The following PIGN variants were observed in gnomAD, a reference collection of about 807,000 sequenced individuals.
The protein encoded by PIGN is phosphatidylinositol glycan anchor biosynthesis class N, also known as GPI ethanolamine phosphate transferase 1.
Under a neutral mutation model 125.4 loss-of-function variants are expected in PIGN, and 117 were observed. That is an observed-to-expected ratio of 0.93 (90% confidence interval 0.80 to 1.09). PIGN has a LOEUF of 1.09. Ranked by LOEUF, PIGN falls within the 50% of genes least tolerant of loss-of-function variation. PIGN has a pLI of 0.00. For missense variants in PIGN, 1,075 were observed against 1,094.9 expected (o/e 0.98, Z 0.26); for synonymous variants, 392 against 377.8 (o/e 1.04, Z -0.44).
intron 23 of PIGN, among the ~76,000 whole-genome samples, chr18:62,092,103 A>G (rs1025405605): frequency 1.3e-5 from 2 of 152,180 alleles, no homozygotes; most frequent in Non-Finnish European, 2.9e-5. Flanking sequence ...GGTTTCAGAA[A>G]GCATACACAA....
chr18:62,064,657 A>C (rs908511208), intron 30 of PIGN, among the ~76,000 whole-genome samples: 1 of 152,238 alleles, frequency 6.6e-6, no homozygotes, highest in Non-Finnish European at 1.5e-5. Flanking sequence ...AGATAACATA[A>C]GTACAATTCC....
intron 17 of PIGN, among the ~76,000 whole-genome samples, chr18:62,108,588 T>G (rs1190977382): frequency 7.4e-6 from 1 of 135,326 alleles, no homozygotes; most frequent in Non-Finnish European, 1.7e-5. Context: ...TTTTGATATT[T>G]TTAAGTTAAT....
At chr18:62,050,866 A>C (rs2145127925) in intron 30 of PIGN, among the ~76,000 whole-genome samples, 1 of 151,104 alleles carries the variant, frequency 6.6e-6, no homozygotes, top group East Asian at 1.9e-4. Context: ...TTATTTTGAG[A>C]TACGTCCCAT....
rs1415544461 is a variant in PIGN, at chr18:62,044,679, GAGGGTTTCC to G, written c.*1168_*1176del. On this transcript the variant is annotated 3_prime_UTR_variant, in exon 31 of 31. Transcript: ENST00000640252. ...AATTTGAAAAATCTTGTAAATTACA[GAGGGTTTCC>G]TAGTCATTAACATGAATTAGTAATG... is the stretch of plus-strand genomic sequence containing the variant. The G allele has an allele frequency of 6.6e-6, 1 of 152,128 alleles. No homozygotes were observed. The highest frequency in any genetic ancestry group is 1.5e-5 in the Non-Finnish European group (1 of 68,030). The allele number at this position is 152,128 out of a possible 1,614,324, so 9.4% of individuals were successfully genotyped here.
intron 23 of PIGN, among the ~76,000 whole-genome samples, chr18:62,091,814 G>A (rs1192670860): frequency 2.0e-5 from 3 of 152,090 alleles, no homozygotes; most frequent in African/African-American, 7.2e-5. Context: ...ACCTGTAAGC[G>A]TCTATTATTA....
intron 16 of PIGN, among the ~76,000 whole-genome samples, chr18:62,110,994 T>C (rs1318061594): frequency 6.6e-6 from 1 of 151,386 alleles, no homozygotes; most frequent in Non-Finnish European, 1.5e-5. Flanking sequence ...AAGCCTTTGA[T>C]TACTTCGGCC....
chr18:62,061,643 G>C (rs2032148416), intron 30 of PIGN, among the ~76,000 whole-genome samples: 2 of 151,934 alleles, frequency 1.3e-5, no homozygotes, highest in Non-Finnish European at 2.9e-5. Context: ...AGGAGTTTAG[G>C]AATAAAATTC....
chr18:62,070,152 C>CG, intron 30 of PIGN: 2 of 359,442 alleles, frequency 5.6e-6, no homozygotes, highest in African/African-American at 2.1e-5. Context: ...ACAAGAGAAA[C>CG]GGGGGGCTTA....
chr18:62,184,683 C>A (rs1001948919), intron 1 of PIGN: 2 of 152,178 alleles, frequency 1.3e-5, no homozygotes, highest in Non-Finnish European at 2.9e-5. Context: ...CATTTTAAAT[C>A]TATTTTCAAC....
intron 15 of PIGN, among the ~76,000 whole-genome samples, chr18:62,114,358 T>C: frequency 8.6e-6 from 1 of 116,176 alleles, no homozygotes; most frequent in Non-Finnish European, 2.1e-5. Context: ...ACACTCTGTC[T>C]CAAAAAAAAA....
chr18:62,097,611 A>G (rs976236244), intron 22 of PIGN, among the ~76,000 whole-genome samples: 5 of 152,180 alleles, frequency 3.3e-5, no homozygotes, highest in African/African-American at 9.7e-5. Context: ...TAATGAAATA[A>G]AAGTATTACT....
At chr18:62,103,232 T>C (rs542416618) in intron 20 of PIGN, among the ~76,000 whole-genome samples, 35 of 152,302 alleles carry the variant, frequency 2.3e-4, no homozygotes, top group South Asian at 1.4e-3. Context: ...TTAGCCTGAA[T>C]TGGGCAAATT....
chr18:62,063,528 A>G (rs2032324370), intron 30 of PIGN, among the ~76,000 whole-genome samples: 1 of 151,182 alleles, frequency 6.6e-6, no homozygotes. Context: ...TATTTATCAC[A>G]TATCATGCAC....
chr18:62,035,531 C>A (rs2030247580), intron 23 of PIGN, among the ~76,000 whole-genome samples: 1 of 151,974 alleles, frequency 6.6e-6, no homozygotes, highest in South Asian at 2.1e-4. Flanking sequence ...ACTTTTTTAT[C>A]TTTTTTTTAT....
intron 27 of PIGN, 118 bp from the exon 28 acceptor site, chr18:62,082,864 A>G: frequency 5.0e-6 from 3 of 602,728 alleles, no homozygotes; most frequent in Non-Finnish European, 8.9e-6. Flanking sequence ...TTTTATATAT[A>G]CTAGTGAAGA....
chr18:62,118,686 T>C (rs1235596250), intron 14 of PIGN: 1 of 151,990 alleles, frequency 6.6e-6, no homozygotes, highest in Admixed American at 6.5e-5. Flanking sequence ...AAGAAAATAA[T>C]ATACATTTTC....
At chr18:62,084,653 C>T (rs1488278022) in intron 26 of PIGN, 47 bp from the exon 27 acceptor site, 1 of 1,136,180 alleles carries the variant, frequency 8.8e-7, no homozygotes, top group Non-Finnish European at 1.3e-6. Context: ...CACTCTGTAA[C>T]TTTAAAAGAA....
chr18:62,176,486 G>A (rs1036381869), intron 1 of PIGN, among the ~76,000 whole-genome samples: 5 of 151,902 alleles, frequency 3.3e-5, no homozygotes, highest in Non-Finnish European at 5.9e-5. Context: ...AAAATAGTCA[G>A]ACACCATTTA....
chr18:62,084,135 C>T (rs912088856), intron 27 of PIGN, among the ~76,000 whole-genome samples: 3 of 152,144 alleles, frequency 2.0e-5, no homozygotes, highest in African/African-American at 7.2e-5. Context: ...GAAAATGACA[C>T]ATTTGTTGAA....
Sources: gnomAD v4.1 joint callset for allele counts (sites outside exome capture counted in the v4.1 genomes callset) on GRCh38, gnomAD v4.1.1 for gene constraint, MANE v1.5 for transcripts, NCBI Gene and HGNC (gene_info 2026-07-23, HGNC 2026-07-21) for gene names.